PTPRD: variants seen among roughly 807,000 people sequenced by gnomAD.
PTPRD encodes protein tyrosine phosphatase receptor type D.
Under a neutral mutation model 214.5 loss-of-function variants are expected in PTPRD, and 34 were observed. The ratio of observed to expected loss-of-function variants is 0.16; its 90% CI spans 0.12 to 0.21. The LOEUF is 0.21. Ranked by LOEUF, PTPRD falls within the 10% of genes least tolerant of loss-of-function variation. The pLI, the probability that PTPRD is intolerant of heterozygous loss-of-function variation, is 1.00. For synonymous variants in PTPRD, 1,128 were observed against 845.7 expected (o/e 1.33, Z -5.79); for missense variants, 2,545 against 2,398.7 (o/e 1.06, Z -1.27).
intron 11 of PTPRD, among the ~76,000 whole-genome samples, chr9:8,847,912 C>A (rs1255693667): frequency 6.6e-6 from 1 of 152,156 alleles, no homozygotes; most frequent in Non-Finnish European, 1.5e-5. Context: ...ATATAACAGT[C>A]ACTTGGCATA....
intron 9 of PTPRD, among the ~76,000 whole-genome samples, chr9:9,324,940 A>G (rs1969073337): frequency 6.6e-6 from 1 of 152,206 alleles, no homozygotes; most frequent in Non-Finnish European, 1.5e-5. Context: ...ACCATTCATT[A>G]AATAGGGAAT....
chr9:8,765,200 T>G (rs1422264777), intron 11 of PTPRD, among the ~76,000 whole-genome samples: 1 of 152,216 alleles, frequency 6.6e-6, no homozygotes, highest in Non-Finnish European at 1.5e-5. Context: ...TATCTGATAC[T>G]CTTCCCCTCA....
intron 5 of PTPRD, among the ~76,000 whole-genome samples, chr9:9,824,131 G>C (rs1052278394): frequency 1.4e-4 from 21 of 151,720 alleles, no homozygotes; most frequent in African/African-American, 4.8e-4. Flanking sequence ...TGAATTTTTT[G>C]TTTAGACCTG....
intron 2 of PTPRD, among the ~76,000 whole-genome samples, chr9:10,385,402 A>G (rs974751631): frequency 6.6e-6 from 1 of 151,808 alleles, no homozygotes; most frequent in Non-Finnish European, 1.5e-5. Context: ...CCAATCTGTG[A>G]ATGATGAGAA....
intron 14 of PTPRD, among the ~76,000 whole-genome samples, chr9:8,573,214 C>T (rs1017413031): frequency 2.0e-5 from 3 of 151,896 alleles, no homozygotes; most frequent in Non-Finnish European, 4.4e-5. Flanking sequence ...GCTGATAATA[C>T]GTTCCAAAAA....
chr9:10,182,390 T>C (rs1166098444), intron 3 of PTPRD, among the ~76,000 whole-genome samples: 1 of 152,062 alleles, frequency 6.6e-6, no homozygotes, highest in Non-Finnish European at 1.5e-5. Context: ...AGAATATACT[T>C]GGAATGTCTA....
In PTPRD at chr9:9,183,330, C is replaced by T. The variant is rs771596558; in HGVS notation, c.-169G>A. 1 of 151,968 alleles carries T rather than the reference C, an allele frequency of 6.6e-6. No homozygotes were observed. The highest frequency in any genetic ancestry group is 1.5e-5 in the Non-Finnish European group (1 of 67,970). 9.4% of individuals were successfully genotyped at this position (151,968 alleles called of 1,614,324 possible). On this transcript the variant is annotated 5_prime_UTR_variant, in exon 10 of 46. Transcript: ENST00000381196. ...TTGAGTTAGCCACCGTCGGTGTTTT[C>T]AGACACAGTCCCTGGCCTCAAGAAG...
At chr9:10,192,810 A>T (rs1457762984) in intron 3 of PTPRD, among the ~76,000 whole-genome samples, 1 of 152,192 alleles carries the variant, frequency 6.6e-6, no homozygotes, top group East Asian at 1.9e-4. Flanking sequence ...AATGTTAATG[A>T]GGATTTCAGA....
chr9:9,934,825 C>G (rs1265902711), intron 5 of PTPRD, among the ~76,000 whole-genome samples: 1 of 151,982 alleles, frequency 6.6e-6, no homozygotes, highest in Non-Finnish European at 1.5e-5. Context: ...CAAAAATCCT[C>G]AATAAAATAC....
chr9:10,186,971 C>G (rs1306179688), intron 3 of PTPRD, among the ~76,000 whole-genome samples: 1 of 152,050 alleles, frequency 6.6e-6, no homozygotes, highest in African/African-American at 2.4e-5. Context: ...ACTCATCATA[C>G]CAGGAGAGAA....
Position 8,504,351 on chromosome 9 carries a change from T to A in PTPRD, c.1732A>T (p.Asn578Tyr), listed in dbSNP as rs1324769577. Residue 578 changes from asparagine to tyrosine, a missense_variant, in exon 23 of 46, where the codon AAC (asparagine) becomes TAC (tyrosine). Physicochemically the swap from Asn to Tyr is moderately radical, Grantham distance 143. Coordinates refer to ENST00000381196, the MANE Select transcript of PTPRD (RefSeq NM_002839.4). ...TSYRLQGLKP[N>Y]SLYYFRLAAR... ...GCCAGACGGAAATAGTATAAGCTGT[T>A]TGGTTTCAGTCCTTGCAGCCTATAT... is the stretch of plus-strand genomic sequence containing the variant. 6.2e-7 allele frequency: 1 copy of A among 1,613,958 alleles called. No homozygotes were observed. Among genetic ancestry groups the A allele is most frequent in the African/African-American group, 1.3e-5 (1 of 74,892 alleles).
intron 11 of PTPRD, among the ~76,000 whole-genome samples, chr9:8,852,703 C>T (rs2097844278): frequency 3.3e-5 from 5 of 152,150 alleles, no homozygotes; most frequent in Non-Finnish European, 7.3e-5. Flanking sequence ...TTATCTATGA[C>T]ACATAGGGAT....
chr9:8,810,376 T>C (rs1357273261), intron 11 of PTPRD, among the ~76,000 whole-genome samples: 2 of 152,202 alleles, frequency 1.3e-5, no homozygotes, highest in South Asian at 4.1e-4. Flanking sequence ...GTTATCTTCC[T>C]CTTCCTTTGA....
At chr9:9,109,538 C>T (rs9299087) in intron 10 of PTPRD, among the ~76,000 whole-genome samples, 12,029 of 152,016 alleles carry the variant, frequency 0.079, 624 homozygotes, top group East Asian at 0.16. Context: ...CAAGCATCAA[C>T]GAATAGTGGC....
intron 7 of PTPRD, among the ~76,000 whole-genome samples, chr9:9,577,377 A>G (rs1354749697): frequency 3.3e-5 from 5 of 152,020 alleles, no homozygotes; most frequent in Non-Finnish European, 5.9e-5. Context: ...CAGCCTCGGC[A>G]ACATGGAGAA....
At chr9:8,354,338 A>G (rs571673131) in intron 39 of PTPRD, among the ~76,000 whole-genome samples, 35 of 152,322 alleles carry the variant, frequency 2.3e-4, no homozygotes, top group Non-Finnish European at 4.3e-4. Flanking sequence ...CATTCATCCA[A>G]TGAAATAACT....
intron 8 of PTPRD, among the ~76,000 whole-genome samples, chr9:9,483,109 A>C (rs2095485878): frequency 6.6e-6 from 1 of 152,180 alleles, no homozygotes; most frequent in South Asian, 2.1e-4. Flanking sequence ...TAAGAATAAG[A>C]TCTATCCTTT....
At chr9:9,134,055 ATTC>A in intron 10 of PTPRD, among the ~76,000 whole-genome samples, 1 of 110,392 alleles carries the variant, frequency 9.1e-6, no homozygotes, top group Non-Finnish European at 1.9e-5. Context: ...ATATAGAATC[ATTC>A]TTTTTTTTTT....
chr9:9,433,626 A>G (rs903818266), intron 8 of PTPRD, among the ~76,000 whole-genome samples: 2 of 152,204 alleles, frequency 1.3e-5, no homozygotes, highest in Admixed American at 1.3e-4. Flanking sequence ...AAGAGTCACA[A>G]TAAGTCACAA....
Sources: allele counts gnomAD v4.1 joint callset (sites outside exome capture counted in the v4.1 genomes callset), GRCh38; gene constraint gnomAD v4.1.1; transcripts MANE v1.5; gene names NCBI Gene and HGNC (gene_info 2026-07-23, HGNC 2026-07-21).